The following PARD3B variants were observed in gnomAD, a reference collection of about 807,000 sequenced individuals.
PARD3B encodes par-3 family cell polarity regulator beta.
A neutral mutation model predicts 130.2 loss-of-function variants in PARD3B; 103 were observed. The ratio of observed to expected loss-of-function variants is 0.79; its 90% CI spans 0.67 to 0.93. The LOEUF (loss-of-function observed/expected upper bound fraction) is 0.93, where lower values mean the gene tolerates loss of function less well. Among genes scored for constraint, PARD3B ranks in the 40% least tolerant of loss-of-function variants. PARD3B has a pLI of 0.00. For synonymous variants in PARD3B, 583 were observed against 553.2 expected (o/e 1.05, Z -0.76); for missense variants, 1,609 against 1,499.2 (o/e 1.07, Z -1.21).
chr2:204,871,495 G>A (rs546178017), intron 2 of PARD3B, among the ~76,000 whole-genome samples: 17 of 151,612 alleles, frequency 1.1e-4, no homozygotes, highest in African/African-American at 3.6e-4. Context: ...TTCAATGGGG[G>A]GAAAAAAGTT....
intron 2 of PARD3B, among the ~76,000 whole-genome samples, chr2:204,898,286 A>ATTTATTT (rs1559238778): frequency 6.6e-6 from 1 of 151,824 alleles, no homozygotes; most frequent in Non-Finnish European, 1.5e-5. Flanking sequence ...CCCTTGTAGC[A>ATTTATTT]TTTATTTTTT....
At chr2:205,110,849 A>G (rs1703595938) in intron 5 of PARD3B, among the ~76,000 whole-genome samples, 1 of 152,096 alleles carries the variant, frequency 6.6e-6, no homozygotes, top group Non-Finnish European at 1.5e-5. Flanking sequence ...ACAAATAGCA[A>G]TAATAGCCTA....
intron 1 of PARD3B, among the ~76,000 whole-genome samples, chr2:204,546,468 CTTGT>C (rs2029943662): frequency 6.6e-6 from 1 of 152,280 alleles, no homozygotes; most frequent in Non-Finnish European, 1.5e-5. Flanking sequence ...TGGTTTAGAA[CTTGT>C]TTGAGGGAAC....
In PARD3B at chr2:204,610,622, A is replaced by T. The variant is rs1004433997; in HGVS notation, c.120+64503A>T. Among the ~76,000 whole-genome samples, 4 of 152,126 alleles carry T rather than the reference A, an allele frequency of 2.6e-5. No individual in the cohort carries two copies. The East Asian group carries it at 7.7e-4, about 29-fold the overall frequency. Reference sequence around the variant, plus strand: ...TGATCCACCCGCATTGGCCTCCCAAAGTGCTGGGATTACAGGCAGGAGCCA... The same window carrying T: ...TGATCCACCCGCATTGGCCTCCCAATGTGCTGGGATTACAGGCAGGAGCCA... On this transcript the variant is annotated intron_variant, in intron 1 of 22. Transcript: ENST00000406610. This position sits in a 1 kb window ranked among gnomAD's most constrained non-coding sequence, Gnocchi z 4.1.
chr2:205,027,347 A>G (rs1697108115), intron 3 of PARD3B, among the ~76,000 whole-genome samples: 1 of 152,028 alleles, frequency 6.6e-6, no homozygotes, highest in Non-Finnish European at 1.5e-5. Context: ...TCTGTTGGCC[A>G]TTTGTATGTA....
chr2:204,568,912 G>A (rs1292278540), intron 1 of PARD3B, among the ~76,000 whole-genome samples: 2 of 148,604 alleles, frequency 1.3e-5, no homozygotes, highest in African/African-American at 2.6e-5. Flanking sequence ...CTGAGATTGC[G>A]CCACTGCCCT....
chr2:205,179,901 A>G (rs903261509), intron 13 of PARD3B, among the ~76,000 whole-genome samples: 1 of 152,082 alleles, frequency 6.6e-6, no homozygotes, highest in Non-Finnish European at 1.5e-5. Context: ...ATACAATACA[A>G]TAATCATTTG....
rs558049195 is a variant in PARD3B, at chr2:205,276,245, A to G, written c.2186-24285A>G. On this transcript the variant is annotated intron_variant, in intron 16 of 22. Transcript: ENST00000406610. This position sits in a 1 kb window ranked among gnomAD's most constrained non-coding sequence, Gnocchi z 5.0. Reference sequence around the variant, plus strand: ...CATTTAGCAGTCTCATCCCTCTGCCATTCCTTCCTTTTGTAGTGAGCCAGC... The same window carrying G: ...CATTTAGCAGTCTCATCCCTCTGCCGTTCCTTCCTTTTGTAGTGAGCCAGC... Among the ~76,000 whole-genome samples, 5 of 152,306 alleles carry G rather than the reference A, an allele frequency of 3.3e-5. No individual in the cohort carries two copies. In the East Asian group the frequency reaches 9.7e-4, roughly 29 times the overall value.
rs1414046861 is a variant in PARD3B, at chr2:205,230,990, A to G, written c.2141-14788A>G. ...AAGGTGCACAGATTCTGTCTGTACC[A>G]TGTGTCTTCTTCAGGGGAGTGGAGG... On this transcript the variant is annotated intron_variant, in intron 15 of 22. Coordinates refer to ENST00000406610, the MANE Select transcript of PARD3B (RefSeq NM_001302769.2). The surrounding 1 kb of genome is among the most constrained non-coding windows in gnomAD (Gnocchi z 4.1). 1.3e-5 allele frequency among the ~76,000 whole-genome samples: 2 copies of G among 152,078 alleles called. No individual in the cohort carries two copies. The highest frequency in any genetic ancestry group is 4.8e-5 in the African/African-American group (2 of 41,422).
At chr2:205,367,476 G>A (rs1179506934) in intron 18 of PARD3B, among the ~76,000 whole-genome samples, 2 of 152,162 alleles carry the variant, frequency 1.3e-5, no homozygotes, top group African/African-American at 2.4e-5. Context: ...ATCAAAAGAA[G>A]TTTTGGAATC....
intron 22 of PARD3B, among the ~76,000 whole-genome samples, chr2:205,579,992 C>T (rs1050281745): frequency 4.6e-5 from 7 of 152,112 alleles, no homozygotes; most frequent in African/African-American, 1.7e-4. Context: ...AAGTCTAAGT[C>T]ATAGATTTCA....
chr2:205,166,656 TG>T (rs2125733049), intron 11 of PARD3B, among the ~76,000 whole-genome samples: 1 of 152,278 alleles, frequency 6.6e-6, no homozygotes, highest in South Asian at 2.1e-4. Context: ...TTGGGTTTTT[TG>T]GGGGGTTTGA....
At chr2:204,648,597 A>AAT (rs1440648861) in intron 1 of PARD3B, among the ~76,000 whole-genome samples, 9 of 125,408 alleles carry the variant, frequency 7.2e-5, no homozygotes, top group African/African-American at 2.8e-4. Context: ...TATTATATAT[A>AAT]ATATATTTAT....
chr2:204,569,909 A>G (rs1048777558), intron 1 of PARD3B, among the ~76,000 whole-genome samples: 1 of 152,144 alleles, frequency 6.6e-6, no homozygotes, highest in African/African-American at 2.4e-5. Context: ...CATCATCAAG[A>G]TGATACAAAA....
intron 1 of PARD3B, among the ~76,000 whole-genome samples, chr2:204,626,330 T>A (rs1319920273): frequency 1.3e-5 from 2 of 152,202 alleles, no homozygotes; most frequent in Non-Finnish European, 2.9e-5. Context: ...CATACTCAGC[T>A]ATGAATTCCT....
chr2:205,524,198 G>A (rs2051229865), intron 21 of PARD3B, among the ~76,000 whole-genome samples: 2 of 152,088 alleles, frequency 1.3e-5, no homozygotes, highest in Non-Finnish European at 2.9e-5. Flanking sequence ...ATTTTGCCAA[G>A]CCTTTTTTGT....
chr2:205,079,107 T>C (rs532625926), intron 4 of PARD3B, among the ~76,000 whole-genome samples: 2 of 152,350 alleles, frequency 1.3e-5, no homozygotes, highest in East Asian at 3.9e-4. Context: ...CATATTGCTT[T>C]ATACCACTGA....
At chr2:205,355,448 T>C (rs6755865) in intron 18 of PARD3B, among the ~76,000 whole-genome samples, 90,874 of 152,038 alleles carry the variant, frequency 0.6, 30,677 homozygotes, top group South Asian at 0.77. Context: ...ATTTTTCATA[T>C]CTTTATGATC....
At chr2:205,210,029 C>G (rs1469815712) in intron 15 of PARD3B, among the ~76,000 whole-genome samples, 2 of 151,748 alleles carry the variant, frequency 1.3e-5, no homozygotes, top group Non-Finnish European at 2.9e-5. Context: ...ATATATACAC[C>G]TACTAAGTAC....
Sources: allele counts gnomAD v4.1 joint callset (sites outside exome capture counted in the v4.1 genomes callset), GRCh38; gene constraint gnomAD v4.1.1; non-coding constraint Gnocchi (gnomAD v3.1); transcripts MANE v1.5; gene names NCBI Gene and HGNC (gene_info 2026-07-23, HGNC 2026-07-21).